EIF3L: variants seen among roughly 807,000 people sequenced by gnomAD.
The protein encoded by EIF3L is eIEF associated protein HSPC021.
Under a neutral mutation model 74.6 loss-of-function variants are expected in EIF3L, and 32 were observed. The observed-to-expected ratio is 0.43, with a 90% confidence interval of 0.32 to 0.58. The LOEUF (loss-of-function observed/expected upper bound fraction) is 0.58. EIF3L is among the 20% of genes least tolerant of loss of function. The probability of loss-of-function intolerance (pLI) is 0.06; values close to 1 mark genes in which losing one functional copy is unlikely to be tolerated. For missense variants in EIF3L, 474 were observed against 707.8 expected (o/e 0.67, Z 3.75); for synonymous variants, 256 against 254.4 (o/e 1.01, Z -0.06).
chr22:37,870,742 A>C (rs1926427628), intron 8 of EIF3L, among the ~76,000 whole-genome samples: 1 of 151,984 alleles, frequency 6.6e-6, no homozygotes, highest in Non-Finnish European at 1.5e-5. Context: ...GCATTTTTGC[A>C]GATCTCTCTG....
intron 4 of EIF3L, 127 bp downstream of exon 4, chr22:37,855,771 G>GT (rs1386734150): frequency 1.6e-5 from 11 of 702,664 alleles, no homozygotes; most frequent in Non-Finnish European, 2.6e-5. Flanking sequence ...TTGGTATGTA[G>GT]TAGGTCCTTG....
At chr22:37,860,935 C>G (rs970868604) in intron 5 of EIF3L, among the ~76,000 whole-genome samples, 4 of 152,194 alleles carry the variant, frequency 2.6e-5, no homozygotes, top group African/African-American at 9.6e-5. Flanking sequence ...CACTCATTTC[C>G]TGAAACTTTC....
At chr22:37,849,887 T>G in intron 1 of EIF3L, 128 bp from the exon 2 acceptor site, 1 of 1,007,582 alleles carries the variant, frequency 9.9e-7, no homozygotes, top group Non-Finnish European at 1.6e-6. Flanking sequence ...TGTGAGTTCC[T>G]CAAAGGCAGG....
intron 10 of EIF3L, chr22:37,876,289 C>T (rs112351335): frequency 2.7e-4 from 78 of 287,902 alleles, no homozygotes; most frequent in African/African-American, 1.2e-3. Context: ...ACAACAACAC[C>T]GGCTAATTTT....
chr22:37,865,024 T>A (rs1291738512), intron 7 of EIF3L, among the ~76,000 whole-genome samples: 2 of 152,218 alleles, frequency 1.3e-5, no homozygotes, highest in Non-Finnish European at 2.9e-5. Context: ...TGTGATGATG[T>A]TCAATGTCAT....
intron 5 of EIF3L, among the ~76,000 whole-genome samples, chr22:37,861,084 G>A (rs984859732): frequency 1.3e-5 from 2 of 152,116 alleles, no homozygotes; most frequent in African/African-American, 4.8e-5. Context: ...TGCTTGTCTT[G>A]TTCACCAATA....
intron 4 of EIF3L, 88 bp from the exon 5 acceptor site, chr22:37,858,591 A>G (rs1925668833): frequency 8.6e-7 from 1 of 1,167,432 alleles, no homozygotes; most frequent in Admixed American, 2.1e-5. Flanking sequence ...CTTCAGAATT[A>G]CCTTTATTCC....
At position 37,878,343 on chromosome 22, in the gene EIF3L, G is replaced by A. The variant is rs1439103913; in HGVS notation, c.1575+172G>A. On this transcript the variant is annotated intron_variant, in intron 11 of 12. Transcript: ENST00000652021. ...CAGTAATACTAGTACTTTAGGGGAGGCTGGGGTGGGAGGATCACTCTAGCC... is the reference window on the plus strand; with the variant it reads ...CAGTAATACTAGTACTTTAGGGGAGACTGGGGTGGGAGGATCACTCTAGCC... 8 of 789,784 alleles carry A rather than the reference G, an allele frequency of 1.0e-5. No homozygotes were observed. In the Admixed American group the frequency reaches 2.0e-4, roughly 19 times the overall value. The allele number at this position is 789,784 out of a possible 1,614,324, so 48.9% of individuals were successfully genotyped here.
rs1256569780 is a variant in EIF3L at position 37,888,467 on chromosome 22, A to G, written c.*3A>G. 2.5e-6 allele frequency: 4 copies of G among 1,613,570 alleles called. No individual in the cohort carries two copies. The South Asian group carries it at 3.3e-5, about 13-fold the overall frequency. ...AGAAGATGGGACAGAGACCTTGATG[A>G]TATTCACACACATTCAGGAACCTGT... On this transcript the variant is annotated 3_prime_UTR_variant, in exon 13 of 13. Coordinates refer to ENST00000652021, the MANE Select transcript of EIF3L (RefSeq NM_016091.4).
chr22:37,888,589 A>T lies in EIF3L; in HGVS notation c.*125A>T. 1 of 913,458 alleles carries T rather than the reference A, an allele frequency of 1.1e-6. No individual in the cohort carries two copies. The highest frequency in any genetic ancestry group is 1.7e-6 in the Non-Finnish European group (1 of 575,934). 56.6% of individuals were successfully genotyped at this position (913,458 alleles called of 1,614,324 possible). A position where few individuals can be genotyped will look rare whatever the true frequency, so the allele number is the denominator to read the frequency against. On this transcript the variant is annotated 3_prime_UTR_variant, in exon 13 of 13. Coordinates refer to ENST00000652021, the MANE Select transcript of EIF3L (RefSeq NM_016091.4). ...AACTCAGTTAACAAGTTAAGGACCGAAGTGTTTCAAGTGGATCTCAGTAAA... is the reference window on the plus strand; with the variant it reads ...AACTCAGTTAACAAGTTAAGGACCGTAGTGTTTCAAGTGGATCTCAGTAAA...
intron 11 of EIF3L, 54 bp from the exon 12 acceptor site, chr22:37,886,711 A>G: frequency 6.6e-6 from 10 of 1,524,182 alleles, no homozygotes; most frequent in Non-Finnish European, 9.1e-6. Context: ...CCTGGGTTAG[A>G]TGGCCCTGCT....
Position 37,875,819 on chromosome 22 carries a change from T to A in EIF3L, c.907-22T>A, listed in dbSNP as rs899204218. 12 of 1,602,668 alleles carry A rather than the reference T, an allele frequency of 7.5e-6. No homozygotes were observed. In the African/African-American group the frequency reaches 1.5e-4, roughly 20 times the overall value. On this transcript the variant is annotated intron_variant, in intron 9 of 12. Transcript: ENST00000652021. ...TAGGATGAATTGGGACTCATGAATG[T>A]TTGTTCTACCTCCTTCTACAGAGTA...
chr22:37,857,250 G>A (rs971083842), intron 4 of EIF3L, among the ~76,000 whole-genome samples: 1 of 150,572 alleles, frequency 6.6e-6, no homozygotes, highest in Non-Finnish European at 1.5e-5. Context: ...GGCACCTGTA[G>A]TCCCAGCTAC....
Position 37,875,612 on chromosome 22 carries a change from T to A in EIF3L, c.907-229T>A, listed in dbSNP as rs568038685. Among the ~76,000 whole-genome samples the A allele has an allele frequency of 5.3e-5, 8 of 152,206 alleles. No individual in the cohort carries two copies. In the South Asian group the frequency reaches 1.7e-3, roughly 32 times the overall value. The stretch of plus-strand genomic sequence containing the variant: ...ATAGCATTTTAGAGCTGAAGGAGAT[T>A]TTAGGGATTACCTGATCCAGAACCT... On this transcript the variant is annotated intron_variant, in intron 9 of 12. Coordinates refer to ENST00000652021, the MANE Select transcript of EIF3L (RefSeq NM_016091.4).
At chr22:37,856,854 AAAAG>A (rs1240459224) in intron 4 of EIF3L, among the ~76,000 whole-genome samples, 24 of 151,900 alleles carry the variant, frequency 1.6e-4, no homozygotes, top group Admixed American at 3.9e-4. Context: ...CAAAAAAAAA[AAAAG>A]AAAGAAAGAA....
intron 11 of EIF3L, chr22:37,883,157 G>A (rs141119010): frequency 0.015 from 2,271 of 152,048 alleles, 30 homozygotes; most frequent in Middle Eastern, 0.068. Context: ...TTAGCCAGAC[G>A]TGGCAGCGCA....
chr22:37,886,596 A>G, intron 11 of EIF3L, 169 bp from the exon 12 acceptor site: 1 of 457,264 alleles, frequency 2.2e-6, no homozygotes, highest in Non-Finnish European at 4.0e-6. Context: ...AAAACTCTCT[A>G]GAAAGAGTGA....
chr22:37,875,978 C>T lies in EIF3L; in HGVS notation c.1044C>T (p.Ser348=), dbSNP rs768542366. The T allele has an allele frequency of 2.7e-5, 44 of 1,613,976 alleles. No individual in the cohort carries two copies. The highest frequency in any genetic ancestry group is 3.7e-5 in the Non-Finnish European group (44 of 1,180,004). ...NILLYIQRTK[S]MFQRTTYKYE... ...TCCTCTACATCCAGAGGACCAAGAGCATGTTCCAGAGGACCACGTACAAGT... is the reference window on the plus strand; with the variant it reads ...TCCTCTACATCCAGAGGACCAAGAGTATGTTCCAGAGGACCACGTACAAGT... Residue 348 remains serine (S), a synonymous_variant, in exon 10 of 13, where the codon AGC becomes AGT. Coordinates refer to ENST00000652021, the MANE Select transcript of EIF3L (RefSeq NM_016091.4).
At position 37,871,873 on chromosome 22, in the gene EIF3L, A is replaced by G. The variant is rs940543622; in HGVS notation, c.751+1526A>G. Among the ~76,000 whole-genome samples the G allele has an allele frequency of 3.4e-3, 208 of 61,452 alleles. No individual in the cohort carries two copies. The East Asian group carries it at 0.04, about 12-fold the overall frequency. The allele number at this position is 61,452 out of a possible 152,430, so 40.3% of individuals were successfully genotyped here. ...GACAGAGCGAGACTCTGTCTCGGGG[A>G]AAAAAAAAAAAAAAAAAAAGATATC... On this transcript the variant is annotated intron_variant, in intron 8 of 12. Transcript: ENST00000652021.
Sources: allele counts gnomAD v4.1 joint callset (sites outside exome capture counted in the v4.1 genomes callset), GRCh38; gene constraint gnomAD v4.1.1; transcripts MANE v1.5; gene names NCBI Gene and HGNC (gene_info 2026-07-23, HGNC 2026-07-21).